Variants in FARP2 observed in about 807,000 individuals in gnomAD.
The protein encoded by FARP2 is FERM, ARH/RhoGEF and pleckstrin domain protein 2.
FARP2 carries 111 observed loss-of-function variants against 130.5 expected under a neutral mutation model. The ratio of observed to expected loss-of-function variants is 0.85; its 90% CI spans 0.73 to 1.00. FARP2 has a LOEUF of 1.00. Ranked by LOEUF, FARP2 falls within the 50% of genes least tolerant of loss-of-function variation. The pLI is 0.00. For missense variants in FARP2, 1,385 were observed against 1,346.3 expected (o/e 1.03, Z -0.45); for synonymous variants, 504 against 516.9 (o/e 0.98, Z 0.34).
intron 8 of FARP2, among the ~76,000 whole-genome samples, chr2:241,421,839 C>T (rs1311840368): frequency 6.6e-6 from 1 of 152,198 alleles, no homozygotes; most frequent in African/African-American, 2.4e-5. Context: ...TCCCAGCAAA[C>T]TGCAGCAGCC....
Position 241,484,297 on chromosome 2 carries a change from G to A in FARP2, c.2387G>A (p.Arg796Gln), listed in dbSNP as rs140628478. Reference protein sequence around the residue: ...SKGVAGTSHFRIRGLLPLQGM... With the variant: ...SKGVAGTSHFQIRGLLPLQGM... ...GGAGTTGCAGGGACCAGCCACTTCC[G>A]GATCCGGGGCCTCCTTCCCCTCCAA... The change falls in exon 21 of 27, where the codon CGG becomes CAG. Residue 796 changes from arginine (R) to glutamine (Q), a missense_variant. Coordinates refer to ENST00000264042, the MANE Select transcript of FARP2 (RefSeq NM_014808.4). 9.0e-5 allele frequency: 145 copies of A among 1,614,100 alleles called. No homozygotes were observed. In the African/African-American group the frequency reaches 1.3e-3, roughly 14 times the overall value.
intron 2 of FARP2, among the ~76,000 whole-genome samples, chr2:241,398,807 G>A (rs901124067): frequency 6.6e-6 from 1 of 152,136 alleles, no homozygotes; most frequent in Non-Finnish European, 1.5e-5. Context: ...GACCTCAGGT[G>A]ATCTGCCTGC....
Position 241,441,428 on chromosome 2 carries a change from C to G in FARP2, c.1283C>G (p.Ser428Cys). The G allele has an allele frequency of 6.2e-7, 1 of 1,614,248 alleles. No individual in the cohort carries two copies. The highest frequency in any genetic ancestry group is 1.6e-4 in the Middle Eastern group (1 of 6,062). Residue 428 changes from serine (S) to cysteine (C), a missense_variant, in exon 13 of 27, where the codon TCC becomes TGC. Physicochemically the swap from Ser to Cys is moderately radical, Grantham distance 112. Coordinates refer to ENST00000264042, the MANE Select transcript of FARP2 (RefSeq NM_014808.4). ...GLPEFKDSSS[S>C]LTDPQVSYVK... ...CCAGAGTTTAAGGACAGCAGCAGCT[C>G]CCTCACAGATCCCCAGGTTTCCTAC...
intron 13 of FARP2, chr2:241,442,414 ATAAGCC>A (rs1249232748): frequency 4.4e-6 from 2 of 456,656 alleles, no homozygotes; most frequent in African/African-American, 4.0e-5. Context: ...CCCCCTAGAC[ATAAGCC>A]TTTTCTTCAG....
chr2:241,476,517 G>A lies in FARP2; in HGVS notation c.2262+530G>A, dbSNP rs182635268. Among the ~76,000 whole-genome samples, 788 of 152,178 alleles carry A rather than the reference G, an allele frequency of 5.2e-3. 6 individuals carry two copies. The highest frequency in any genetic ancestry group is 0.018 in the African/African-American group (757 of 41,532). Reference sequence around the variant, plus strand: ...AGCCAGACCAACATGGAGAAACCCTGTCTCTACTAAAAATACAAAAAATTA... The same window carrying A: ...AGCCAGACCAACATGGAGAAACCCTATCTCTACTAAAAATACAAAAAATTA... On this transcript the variant is annotated intron_variant, in intron 19 of 26. Coordinates refer to ENST00000264042, the MANE Select transcript of FARP2 (RefSeq NM_014808.4).
rs954062719 is a variant in FARP2, at chr2:241,459,639, G to C, written c.1587+2717G>C. Among the ~76,000 whole-genome samples the C allele has an allele frequency of 6.6e-6, 1 of 152,216 alleles. No individual in the cohort carries two copies. Among genetic ancestry groups the C allele is most frequent in the African/African-American group, 2.4e-5 (1 of 41,460 alleles). ...GACCCTTCATGTGGGGACAGGTGGCGAAGCTCACAGGAATTGCATGCTCCT... is the reference window on the plus strand; with the variant it reads ...GACCCTTCATGTGGGGACAGGTGGCCAAGCTCACAGGAATTGCATGCTCCT... On this transcript the variant is annotated intron_variant, in intron 14 of 26. Transcript: ENST00000264042. The surrounding 1 kb of genome is among the most constrained non-coding windows in gnomAD (Gnocchi z 5.3).
intron 4 of FARP2, among the ~76,000 whole-genome samples, chr2:241,406,642 C>G (rs55751610): frequency 0.02 from 3,054 of 150,218 alleles, 95 homozygotes; most frequent in African/African-American, 0.065. Context: ...GGGAGAGGGG[C>G]GGGTAGAGAT....
At chr2:241,478,146 T>C (rs1472918192) in intron 19 of FARP2, among the ~76,000 whole-genome samples, 1 of 152,192 alleles carries the variant, frequency 6.6e-6, no homozygotes, top group East Asian at 1.9e-4. Flanking sequence ...TCTAAGAAAC[T>C]ATTGTCAGCC....
At chr2:241,492,276 G>T (rs376338410) in intron 24 of FARP2, among the ~76,000 whole-genome samples, 41 of 152,302 alleles carry the variant, frequency 2.7e-4, no homozygotes, top group African/African-American at 9.6e-4. Flanking sequence ...GGCTGAGCCC[G>T]AGCCTCTCCC....
At chr2:241,483,625 G>T in intron 20 of FARP2, 92 bp downstream of exon 20, 2 of 1,406,108 alleles carry the variant, frequency 1.4e-6, no homozygotes, top group South Asian at 1.2e-5. Flanking sequence ...CAGCCCATTG[G>T]CCTCTGGGTA....
chr2:241,403,933 G>C lies in FARP2; in HGVS notation c.288+1G>C. 4 of 1,589,586 alleles carry C rather than the reference G, an allele frequency of 2.5e-6. No homozygotes were observed. The highest frequency in any genetic ancestry group is 3.5e-6 in the Non-Finnish European group (4 of 1,157,632). ...GTTTCAAAATACTCAGTCCTACTGG[G>C]TAAGTGCTTATGACGTGCCCAGGCG... On this transcript the variant is annotated splice_donor_variant, in intron 3 of 26. Coordinates refer to ENST00000264042, the MANE Select transcript of FARP2 (RefSeq NM_014808.4). LOFTEE classifies it high-confidence loss of function.
rs748507493 is a variant in FARP2, at chr2:241,407,474, T to C, written c.332-63T>C. Reference sequence around the variant, plus strand: ...GCATGACCTCAGTTATACAGTAATATATGAAAAGAGAATAAATGCAAAGAT... The same window carrying C: ...GCATGACCTCAGTTATACAGTAATACATGAAAAGAGAATAAATGCAAAGAT... On this transcript the variant is annotated intron_variant, in intron 4 of 26. Coordinates refer to ENST00000264042, the MANE Select transcript of FARP2 (RefSeq NM_014808.4). 40 of 1,189,960 alleles carry C rather than the reference T, an allele frequency of 3.4e-5. 1 individual carries two copies. Among genetic ancestry groups the C allele is most frequent in the South Asian group, 2.9e-4 (24 of 81,930 alleles). The allele number at this position is 1,189,960 out of a possible 1,614,324, so 73.7% of individuals were successfully genotyped here. A position where few individuals can be genotyped will look rare whatever the true frequency, so the allele number is the denominator to read the frequency against.
chr2:241,410,977 T>G lies in FARP2; in HGVS notation c.411-56T>G, dbSNP rs567172966. On this transcript the variant is annotated intron_variant, in intron 5 of 26. Transcript: ENST00000264042. ...GTCTTGCTGTGGAGACATGTCTATG[T>G]TACATTCAGAGAACATTTGGAATTG... 52 of 1,205,986 alleles carry G rather than the reference T, an allele frequency of 4.3e-5. No homozygotes were observed. In the South Asian group the frequency reaches 5.5e-4, roughly 13 times the overall value. 74.7% of individuals were successfully genotyped at this position (1,205,986 alleles called of 1,614,324 possible).
chr2:241,405,696 G>A (rs2062315053), intron 4 of FARP2, among the ~76,000 whole-genome samples: 2 of 152,162 alleles, frequency 1.3e-5, no homozygotes, highest in Admixed American at 1.3e-4. Context: ...CAATTTGGGA[G>A]GCCCAAGCGG....
At chr2:241,357,505 G>A (rs1459243283) in intron 1 of FARP2, among the ~76,000 whole-genome samples, 1 of 152,128 alleles carries the variant, frequency 6.6e-6, no homozygotes, top group Admixed American at 6.5e-5. Context: ...TAAAGGTTTA[G>A]GAAGCACTTC....
At chr2:241,428,621 C>G (rs2063016812) in intron 8 of FARP2, among the ~76,000 whole-genome samples, 1 of 151,542 alleles carries the variant, frequency 6.6e-6, no homozygotes, top group Non-Finnish European at 1.5e-5. Context: ...ACATCTAACT[C>G]AGGATTTTTT....
intron 26 of FARP2, chr2:241,493,708 C>T: frequency 1.9e-6 from 1 of 526,386 alleles, no homozygotes. Context: ...GATTCTTCTG[C>T]CTCAGCCTCC....
Position 241,404,797 on chromosome 2 carries a change from A to G in FARP2, c.289-2A>G. ...GGATTTCTTCTGTTAACTCTTCTTTAGATTTGGCTTGAACCTATGAAACCC... is the reference window on the plus strand; with the variant it reads ...GGATTTCTTCTGTTAACTCTTCTTTGGATTTGGCTTGAACCTATGAAACCC... On this transcript the variant is annotated splice_acceptor_variant, in intron 3 of 26. Transcript: ENST00000264042. LOFTEE classifies it high-confidence loss of function. The G allele has an allele frequency of 6.2e-7, 1 of 1,602,938 alleles. No homozygotes were observed. The highest frequency in any genetic ancestry group is 1.1e-5 in the South Asian group (1 of 90,744).
chr2:241,363,408 G>A (rs2061234299), intron 1 of FARP2, among the ~76,000 whole-genome samples: 1 of 152,212 alleles, frequency 6.6e-6, no homozygotes, highest in African/African-American at 2.4e-5. Context: ...GAATAGCATG[G>A]CTAAACGGAG....
Sources: allele counts gnomAD v4.1 joint callset (sites outside exome capture counted in the v4.1 genomes callset), GRCh38; gene constraint gnomAD v4.1.1; non-coding constraint Gnocchi (gnomAD v3.1); transcripts MANE v1.5; gene names NCBI Gene and HGNC (gene_info 2026-07-23, HGNC 2026-07-21).